JAG1: variants seen among roughly 807,000 people sequenced by gnomAD.
The protein encoded by JAG1 is jagged canonical Notch ligand 1.
A neutral mutation model predicts 148.7 loss-of-function variants in JAG1; 23 were observed. That is an observed-to-expected ratio of 0.15 (90% CI 0.11 to 0.22). The LOEUF is 0.22. JAG1 is among the 10% of genes least tolerant of loss of function. The pLI is 1.00. For synonymous variants in JAG1, 572 were observed against 598.3 expected, an observed-to-expected ratio of 0.96 and a Z score of 0.64; for missense variants, 1,054 against 1,611.2, an observed-to-expected ratio of 0.65 and a Z score of 5.92.
At chr20:10,647,909 G>T (rs1287593664) in intron 13 of JAG1, 51 bp downstream of exon 13, 1 of 1,600,468 alleles carries the variant, frequency 6.2e-7, no homozygotes, top group African/African-American at 1.3e-5. Context: ...AGTAAGTGGG[G>T]ACAAAAGGAG....
At position 10,649,030 on chromosome 20, in the gene JAG1, A is replaced by C. The variant is rs754328814; in HGVS notation, c.1395+31T>G. ...ATCTAAAGATTTGTTGTCAATTGTC[A>C]AAGTTTTGATTTAAGCAAAGATTTA... is the stretch of plus-strand genomic sequence containing the variant. On this transcript the variant is annotated intron_variant, in intron 11 of 25. Transcript: ENST00000254958. The C allele has an allele frequency of 8.3e-6, 13 of 1,569,426 alleles. No individual in the cohort carries two copies. The South Asian group carries it at 1.3e-4, about 16-fold the overall frequency.
chr20:10,644,135 A>C (rs960617425), intron 19 of JAG1, among the ~76,000 whole-genome samples: 1 of 152,198 alleles, frequency 6.6e-6, no homozygotes, highest in Non-Finnish European at 1.5e-5. Flanking sequence ...CTAAATGAGG[A>C]CACAACCTGG....
intron 5 of JAG1, among the ~76,000 whole-genome samples, chr20:10,656,025 G>C (rs568327906): frequency 9.2e-5 from 14 of 152,340 alleles, no homozygotes; most frequent in Admixed American, 9.1e-4. Context: ...AAGTCGGGGA[G>C]GGGGCTGGGA....
rs2122592010 is a variant in JAG1, at chr20:10,639,004, A to C, written c.*494T>G. The C allele has an allele frequency of 6.7e-6, 1 of 148,564 alleles. No individual in the cohort carries two copies. The highest frequency in any genetic ancestry group is 2.4e-5 in the African/African-American group (1 of 41,000). The allele number at this position is 148,564 out of a possible 1,614,324, so 9.2% of individuals were successfully genotyped here. ...AGTCTCCCCTCCCCCAACAACAAAA[A>C]TACAATTAAAAAAAATAAATAATAA... On this transcript the variant is annotated 3_prime_UTR_variant, in exon 26 of 26. Coordinates refer to ENST00000254958, the MANE Select transcript of JAG1 (RefSeq NM_000214.3).
intron 2 of JAG1, among the ~76,000 whole-genome samples, chr20:10,664,465 C>T (rs962939021): frequency 6.6e-6 from 1 of 151,716 alleles, no homozygotes; most frequent in Non-Finnish European, 1.5e-5. Flanking sequence ...GGGGGTATTG[C>T]TAAGGTTACA....
At chr20:10,660,960 C>T (rs2122627774) in intron 3 of JAG1, among the ~76,000 whole-genome samples, 1 of 152,290 alleles carries the variant, frequency 6.6e-6, no homozygotes, top group African/African-American at 2.4e-5. Context: ...CACACCGACC[C>T]AAAAACCTGG....
intron 5 of JAG1, 141 bp from the exon 6 acceptor site, chr20:10,652,739 G>A: frequency 2.5e-6 from 2 of 796,522 alleles, no homozygotes; most frequent in Non-Finnish European, 2.0e-6. Flanking sequence ...GGCTCATCAG[G>A]GGCTCCGTAT....
At chr20:10,651,463 T>C in intron 8 of JAG1, 118 bp downstream of exon 8, 1 of 685,620 alleles carries the variant, frequency 1.5e-6, no homozygotes, top group South Asian at 1.7e-5. Flanking sequence ...GACTTAGGCC[T>C]GCACCCGCCC....
chr20:10,661,945 T>C (rs1026379699), intron 3 of JAG1, among the ~76,000 whole-genome samples: 12 of 152,174 alleles, frequency 7.9e-5, no homozygotes, highest in South Asian at 4.1e-4. Context: ...TTCTGGCTTA[T>C]GGCAATGAGT....
intron 13 of JAG1, 196 bp from the exon 14 acceptor site, chr20:10,647,299 GTT>G (rs979316377): frequency 3.1e-6 from 2 of 638,594 alleles, no homozygotes; most frequent in African/African-American, 3.7e-5. Context: ...CAGGCAAAGA[GTT>G]TTAAAGCATT....
At position 10,647,084 on chromosome 20, in the gene JAG1, C is replaced by A; in HGVS notation, c.1740G>T (p.Val580=). 6.2e-7 allele frequency: 1 copy of A among 1,614,232 alleles called. No homozygotes were observed. The highest frequency in any genetic ancestry group is 8.5e-7 in the Non-Finnish European group (1 of 1,180,040). The change falls in exon 14 of 26, where the codon GTG becomes GTT. Residue 580 remains valine (V), a synonymous_variant. Transcript: ENST00000254958. Reference sequence around the variant, plus strand: ...CAGGTGTGTCGTTGGAAGCCATGGCCACTGTGCAGCTGTCAATCACTAGAA... The same window carrying A: ...CAGGTGTGTCGTTGGAAGCCATGGCAACTGTGCAGCTGTCAATCACTAGAA... ...TPCEVIDSCT[V]AMASNDTPEG... is the part of the protein sequence containing the mutation.
At chr20:10,643,935 C>T in intron 19 of JAG1, 72 bp from the exon 20 acceptor site, 1 of 1,133,696 alleles carries the variant, frequency 8.8e-7, no homozygotes, top group South Asian at 1.3e-5. Context: ...ACTCACATGT[C>T]ACCACACCAG....
At chr20:10,671,728 C>T (rs553320536) in intron 2 of JAG1, among the ~76,000 whole-genome samples, 3 of 152,340 alleles carry the variant, frequency 2.0e-5, no homozygotes, top group East Asian at 1.9e-4. Flanking sequence ...CCCAACATTT[C>T]CCTTTCCTCC....
rs1365664005 is a variant in JAG1 at position 10,647,040 on chromosome 20, G to A, written c.1784C>T (p.Ser595Phe). 2.5e-6 allele frequency: 4 copies of A among 1,614,188 alleles called. No homozygotes were observed. The highest frequency in any genetic ancestry group is 3.4e-6 in the Non-Finnish European group (4 of 1,180,028). Residue 595 changes from serine (S) to phenylalanine (F), a missense_variant, in exon 14 of 26, where the codon TCC (serine) becomes TTC (phenylalanine). Physicochemically the swap from Ser to Phe is radical, Grantham distance 155. Around this residue, in one of 6 missense-constraint regions of JAG1, gnomAD observed 245 missense variants for 373.1 expected, o/e 0.66. Transcript: ENST00000254958. The part of the protein sequence containing the change: ...NDTPEGVRYI[S>F]SNVCGPHGKC... Reference sequence around the variant, plus strand: ...CCCGTGAGGACCACAGACGTTGGAGGAAATATACCGCACCCCTTCAGGTGT... The same window carrying A: ...CCCGTGAGGACCACAGACGTTGGAGAAAATATACCGCACCCCTTCAGGTGT...
chr20:10,647,589 G>A (rs2067317905), intron 13 of JAG1, among the ~76,000 whole-genome samples: 1 of 152,184 alleles, frequency 6.6e-6, no homozygotes, highest in Admixed American at 6.5e-5. Context: ...AGTCCACATG[G>A]CCTGGGGCTC....
Position 10,641,582 on chromosome 20 carries a change from C to G in JAG1, c.2794G>C (p.Gly932Arg), listed in dbSNP as rs2067272331. 1.2e-6 allele frequency: 2 copies of G among 1,614,088 alleles called. No individual in the cohort carries two copies. The highest frequency in any genetic ancestry group is 1.7e-6 in the Non-Finnish European group (2 of 1,180,052). ...CTGGAAGACCGACACTCGCCCACACCAGTGCAGGGGTGGACGAAGCACTGG... is the reference window on the plus strand; with the variant it reads ...CTGGAAGACCGACACTCGCCCACACGAGTGCAGGGGTGGACGAAGCACTGG... Reference protein sequence around the residue: ...DDQCFVHPCTGVGECRSSSLQ... With the variant: ...DDQCFVHPCTRVGECRSSSLQ... The change falls in exon 23 of 26, where the codon GGT becomes CGT. Residue 932 changes from glycine to arginine, a missense_variant. Physicochemically the swap from Gly to Arg is moderately radical, Grantham distance 125 (BLOSUM62 -2). Coordinates refer to ENST00000254958, the MANE Select transcript of JAG1 (RefSeq NM_000214.3).
At chr20:10,642,222 A>G (rs2067277498) in intron 21 of JAG1, among the ~76,000 whole-genome samples, 1 of 152,180 alleles carries the variant, frequency 6.6e-6, no homozygotes, top group Admixed American at 6.5e-5. Context: ...CTCTCTGCCC[A>G]TGCTGCATAT....
chr20:10,644,993 G>C lies in JAG1; in HGVS notation c.2228-14C>G. On this transcript the variant is annotated splice_polypyrimidine_tract_variant and intron_variant, in intron 17 of 25. Transcript: ENST00000254958. Reference sequence around the variant, plus strand: ...TACTGTTTCGGGCTATAAAAGAAGAGCAGACACGACCACCCTCCCTGAGTA... The same window carrying C: ...TACTGTTTCGGGCTATAAAAGAAGACCAGACACGACCACCCTCCCTGAGTA... 6.2e-7 allele frequency: 1 copy of C among 1,602,478 alleles called. No individual in the cohort carries two copies. Among genetic ancestry groups the C allele is most frequent in the Non-Finnish European group, 8.6e-7 (1 of 1,169,464 alleles).
Position 10,644,477 on chromosome 20 carries a change from A to G in JAG1, c.2345-93T>C, listed in dbSNP as rs910321749. The G allele has an allele frequency of 6.4e-5, 63 of 991,890 alleles. 2 individuals are homozygous for G. In the South Asian group the frequency reaches 7.2e-4, roughly 11 times the overall value. 61.4% of individuals were successfully genotyped at this position (991,890 alleles called of 1,614,324 possible). ...CCACCACTTATTTTCCTAATACCCA[A>G]ATGATAAAGTCGTAGTTAACACCAG... is the stretch of plus-strand genomic sequence containing the variant. On this transcript the variant is annotated intron_variant, in intron 18 of 25. Coordinates refer to ENST00000254958, the MANE Select transcript of JAG1 (RefSeq NM_000214.3).
Sources: gnomAD v4.1 joint callset for allele counts (sites outside exome capture counted in the v4.1 genomes callset) on GRCh38, gnomAD v4.1.1 for gene constraint, gnomAD v4.1.1 regional missense constraint, MANE v1.5 for transcripts, NCBI Gene and HGNC (gene_info 2026-07-23, HGNC 2026-07-21) for gene names.